PMEL: variants seen among roughly 807,000 people sequenced by gnomAD.
PMEL encodes the protein premelanosome protein.
In PMEL, 53 loss-of-function variants were observed where a neutral mutation model predicts 64.9. That is an observed-to-expected ratio of 0.82 (90% CI 0.66 to 1.03). The LOEUF (loss-of-function observed/expected upper bound fraction) is 1.03, where lower values mean the gene tolerates loss of function less well. Ranked by LOEUF, PMEL falls within the 50% of genes least tolerant of loss-of-function variation. The pLI is 0.00. For synonymous variants in PMEL, 299 were observed against 316.2 expected, an observed-to-expected ratio of 0.95 and a Z score of 0.58; for missense variants, 716 against 814.9, an observed-to-expected ratio of 0.88 and a Z score of 1.48.
At position 55,957,984 on chromosome 12, in the gene PMEL, A is replaced by T. The variant is rs1888958275; in HGVS notation, c.570T>A (p.His190Gln). 6.2e-7 allele frequency: 1 copy of T among 1,614,070 alleles called. No individual in the cohort carries two copies. Among genetic ancestry groups the T allele is most frequent in the African/African-American group, 1.3e-5 (1 of 74,938 alleles). The part of the protein sequence containing the change: ...GTHTMEVTVY[H>Q]RRGSRSYVPL... ...GCACATAGCTCCGGGATCCCCGGCG[A>T]TGGTAGACAGTCACTTCCATGGTGT... Residue 190 changes from histidine (H) to glutamine (Q), a missense_variant, in exon 5 of 11, where the codon CAT becomes CAA. His to Gln is a conservative substitution (Grantham distance 24). Coordinates refer to ENST00000548747, the MANE Select transcript of PMEL (RefSeq NM_001384361.1).
At chr12:55,966,653 T>C (rs1889312805), upstream of PMEL, 3 of 1,062,052 alleles carry the variant, frequency 2.8e-6, no homozygotes, top group Non-Finnish European at 3.4e-6. Context: ...AAGAAACTTG[T>C]CTAGCCCCCA....
chr12:55,956,804 G>T, intron 6 of PMEL, 145 bp downstream of exon 6: 2 of 797,022 alleles, frequency 2.5e-6, no homozygotes, highest in East Asian at 2.5e-5. Context: ...AGAGACTGGA[G>T]GGCTTTATAG....
At chr12:55,962,727 C>T (rs896881340) in intron 1 of PMEL, among the ~76,000 whole-genome samples, 16 of 151,384 alleles carry the variant, frequency 1.1e-4, no homozygotes, top group Admixed American at 8.5e-4. Flanking sequence ...TTCATGGTTT[C>T]TCCATGTTGG....
At chr12:55,966,104 T>C, upstream of PMEL, 1 of 1,598,272 alleles carries the variant, frequency 6.3e-7, no homozygotes, top group Non-Finnish European at 8.5e-7. Context: ...CCCTTCCTCT[T>C]CTCCCTCAGA....
At chr12:55,956,289 G>C in intron 6 of PMEL, 70 bp from the exon 7 acceptor site, 1 of 986,678 alleles carries the variant, frequency 1.0e-6, no homozygotes, top group Admixed American at 1.9e-5. Flanking sequence ...GGCCAAGCAG[G>C]CATTTTTTCA....
intron 3 of PMEL, among the ~76,000 whole-genome samples, chr12:55,959,112 G>C (rs1889006295): frequency 6.6e-6 from 1 of 151,300 alleles, no homozygotes; most frequent in Non-Finnish European, 1.5e-5. Flanking sequence ...AGGTGTGGTG[G>C]CTCATGGCTG....
rs756674111 is a variant in PMEL, at chr12:55,961,407, C to T, written c.244G>A (p.Ala82Thr). 4 of 1,614,094 alleles carry T rather than the reference C, an allele frequency of 2.5e-6. No homozygotes were observed. The South Asian group carries it at 3.3e-5, about 13-fold the overall frequency. The change falls in exon 3 of 11, where the codon GCC becomes ACC. Residue 82 changes from alanine (A) to threonine (T), a missense_variant. Transcript: ENST00000548747. ...AAGTTCAAGGCAATAGAGAAGGAGGCATTTGCACCAATCAGTGTAGGCCCA... is the reference window on the plus strand; with the variant it reads ...AAGTTCAAGGCAATAGAGAAGGAGGTATTTGCACCAATCAGTGTAGGCCCA... ...NDGPTLIGANASFSIALNFPG... is the reference protein window; with the variant it reads ...NDGPTLIGANTSFSIALNFPG...
chr12:55,956,060 C>T, intron 7 of PMEL, 43 bp downstream of exon 7: 2 of 1,395,686 alleles, frequency 1.4e-6, no homozygotes, highest in Non-Finnish European at 1.0e-6. Flanking sequence ...CCCTAGGTAG[C>T]ACACAGCTGC....
chr12:55,958,686 G>T, intron 3 of PMEL, 79 bp from the exon 4 acceptor site: 1 of 1,402,564 alleles, frequency 7.1e-7, no homozygotes, highest in Non-Finnish European at 9.9e-7. Flanking sequence ...TGCTCCCAGG[G>T]TATCAGAGAG....
rs760788630 is a variant in PMEL at position 55,961,348 on chromosome 12, C to T, written c.303G>A (p.Gln101=). The part of the protein sequence containing the change: ...PGSQKVLPDG[Q]VIWVNNTIIN... ...TGATGGTATTGTTGACCCAGATAAC[C>T]TGCCCATCTGGCAATACCTTTTGGC... The change falls in exon 3 of 11, where the codon CAG becomes CAA. Residue 101 remains glutamine, a synonymous_variant. Coordinates refer to ENST00000548747, the MANE Select transcript of PMEL (RefSeq NM_001384361.1). The T allele has an allele frequency of 1.9e-6, 3 of 1,614,140 alleles. No individual in the cohort carries two copies. The highest frequency in any genetic ancestry group is 2.5e-6 in the Non-Finnish European group (3 of 1,179,998).
At chr12:55,957,783 C>T in intron 5 of PMEL, 112 bp from the exon 6 acceptor site, 1 of 1,511,618 alleles carries the variant, frequency 6.6e-7, no homozygotes, top group Non-Finnish European at 8.9e-7. Flanking sequence ...GGCACTAAGC[C>T]TCACATTTCT....
intron 3 of PMEL, among the ~76,000 whole-genome samples, chr12:55,960,210 CAAA>C (rs56810428): frequency 3.6e-5 from 2 of 56,242 alleles, no homozygotes; most frequent in Non-Finnish European, 6.9e-5. Flanking sequence ...GACTCTGTCT[CAAA>C]AAAAAAAAAA....
intron 3 of PMEL, among the ~76,000 whole-genome samples, chr12:55,960,469 G>A (rs1046057286): frequency 6.7e-6 from 1 of 150,180 alleles, no homozygotes; most frequent in East Asian, 2.0e-4. Context: ...CCAGGCTCAT[G>A]ATCCTCCCAC....
At chr12:55,963,041 C>T (rs1173992402) in intron 1 of PMEL, among the ~76,000 whole-genome samples, 1 of 151,778 alleles carries the variant, frequency 6.6e-6, no homozygotes, top group Non-Finnish European at 1.5e-5. Context: ...CCTGTAGTTC[C>T]AGCTACTCAG....
At chr12:55,958,208 G>A (rs939762765) in intron 4 of PMEL, 124 bp from the exon 5 acceptor site, 1 of 1,060,060 alleles carries the variant, frequency 9.4e-7, no homozygotes, top group Non-Finnish European at 1.4e-6. Flanking sequence ...GAGGGTGTTT[G>A]GAAGGCTGTG....
At chr12:55,962,554 C>T (rs1259980607) in intron 1 of PMEL, among the ~76,000 whole-genome samples, 4 of 102,802 alleles carry the variant, frequency 3.9e-5, no homozygotes, top group Non-Finnish European at 5.3e-5. Flanking sequence ...GATGGAGTCT[C>T]GCTCTGCCCC....
chr12:55,957,670 GT>G lies in PMEL; in HGVS notation c.632del (p.Asp211AlafsTer7). The G allele has an allele frequency of 6.2e-7, 1 of 1,608,036 alleles. No homozygotes were observed. Among genetic ancestry groups the G allele is most frequent in the Non-Finnish European group, 8.5e-7 (1 of 1,176,738 alleles). On this transcript the variant is annotated frameshift_variant and splice_region_variant, in exon 6 of 11. Coordinates refer to ENST00000548747, the MANE Select transcript of PMEL (RefSeq NM_001384361.1). LOFTEE classifies it high-confidence loss of function. ...AHSSSAFTIT[D>X]QVPFSVSVSQ... is the part of the protein sequence containing the mutation. ...ACACGCTCACGGAGAAAGGCACCTG[GT>G]CTGGGATTGGAGCCAGAAAAGGTGA...
chr12:55,956,922 G>C (rs1353945729), intron 6 of PMEL, 27 bp downstream of exon 6: 1 of 1,605,130 alleles, frequency 6.2e-7, no homozygotes, highest in African/African-American at 1.3e-5. Flanking sequence ...CCACCTCCGT[G>C]AACCTCATTC....
intron 4 of PMEL, 130 bp from the exon 5 acceptor site, chr12:55,958,214 C>T (rs778275480): frequency 9.1e-5 from 92 of 1,007,868 alleles, no homozygotes; most frequent in Non-Finnish European, 1.3e-4. Context: ...GTTTGGAAGG[C>T]TGTGATATGG....
Sources: allele counts gnomAD v4.1 joint callset (sites outside exome capture counted in the v4.1 genomes callset), GRCh38; gene constraint gnomAD v4.1.1; transcripts MANE v1.5; gene names NCBI Gene and HGNC (gene_info 2026-07-23, HGNC 2026-07-21).